Variants in GRM5 observed in about 807,000 individuals in gnomAD.
GRM5 encodes metabotropic glutamate receptor 5.
A neutral mutation model predicts 83.1 loss-of-function variants in GRM5; 19 were observed. The observed-to-expected ratio is 0.23, with a 90% CI of 0.16 to 0.34. The LOEUF (loss-of-function observed/expected upper bound fraction) is 0.34. GRM5 is among the 10% of genes least tolerant of loss of function. The pLI, the probability that GRM5 is intolerant of heterozygous loss-of-function variation, is 1.00. For synonymous variants in GRM5, 675 were observed against 633.6 expected (o/e 1.07, Z -0.98); for missense variants, 1,160 against 1,588.3 (o/e 0.73, Z 4.58).
intron 3 of GRM5, among the ~76,000 whole-genome samples, chr11:88,671,988 G>A (rs1186477250): frequency 6.6e-6 from 1 of 152,002 alleles, no homozygotes; most frequent in Non-Finnish European, 1.5e-5. Context: ...TTTCTGATTA[G>A]TCAAGAAATT....
intron 2 of GRM5, among the ~76,000 whole-genome samples, chr11:89,030,185 A>G: frequency 6.6e-6 from 1 of 152,156 alleles, no homozygotes; most frequent in Non-Finnish European, 1.5e-5. Context: ...TTCCTAAATG[A>G]TAAAACTTGG....
intron 3 of GRM5, among the ~76,000 whole-genome samples, chr11:88,665,139 TAGA>T (rs1940006195): frequency 8.0e-6 from 1 of 125,034 alleles, no homozygotes; most frequent in Admixed American, 8.3e-5. Context: ...AAAATGTAGA[TAGA>T]AGAGATAATT....
Position 88,772,123 on chromosome 11 carries a change from G to A in GRM5, c.911+77783C>T, listed in dbSNP as rs1220488363. ...GACATTTTGTTTTGTTTTACTTACTGTATCTTGAAACTCTTAACATTTTAT... is the reference window on the plus strand; with the variant it reads ...GACATTTTGTTTTGTTTTACTTACTATATCTTGAAACTCTTAACATTTTAT... On this transcript the variant is annotated intron_variant, in intron 3 of 9. Transcript: ENST00000305447. 2.6e-5 allele frequency among the ~76,000 whole-genome samples: 4 copies of A among 151,442 alleles called. No individual in the cohort carries two copies. In the East Asian group the frequency reaches 7.7e-4, roughly 29 times the overall value.
In GRM5 at chr11:88,622,168, G is replaced by A. The variant is rs1244329602; in HGVS notation, c.1148-17204C>T. Among the ~76,000 whole-genome samples the A allele has an allele frequency of 2.0e-5, 3 of 152,124 alleles. No individual in the cohort carries two copies. The East Asian group carries it at 5.8e-4, about 29-fold the overall frequency. On this transcript the variant is annotated intron_variant, in intron 4 of 9. Coordinates refer to ENST00000305447, the MANE Select transcript of GRM5 (RefSeq NM_001143831.3). ...TATTTCAAAGGTAGCCATTAAAGAA[G>A]AGATAGGAGAGGAAAGTAGCACCAC...
intron 2 of GRM5, among the ~76,000 whole-genome samples, chr11:88,878,543 T>C (rs944159298): frequency 6.6e-6 from 1 of 152,142 alleles, no homozygotes; most frequent in African/African-American, 2.4e-5. Context: ...GGACATATAC[T>C]AGGCTGGCAA....
chr11:88,853,530 T>C (rs981729255), intron 2 of GRM5, among the ~76,000 whole-genome samples: 4 of 151,882 alleles, frequency 2.6e-5, no homozygotes, highest in African/African-American at 9.7e-5. Context: ...AATAAGAAGA[T>C]GTACAAGGTA....
chr11:88,812,840 G>A (rs1267699523), intron 3 of GRM5, among the ~76,000 whole-genome samples: 1 of 151,984 alleles, frequency 6.6e-6, no homozygotes, highest in Non-Finnish European at 1.5e-5. Flanking sequence ...TGCATGTAGG[G>A]AAATAGAAAC....
intron 9 of GRM5, 82 bp from the exon 10 acceptor site, chr11:88,509,586 A>T: frequency 1.0e-6 from 1 of 981,764 alleles, no homozygotes; most frequent in Non-Finnish European, 1.6e-6. Context: ...GTGGTTGCTC[A>T]TGGGCCCCGG....
chr11:88,995,396 T>C (rs766947510), intron 2 of GRM5, among the ~76,000 whole-genome samples: 1 of 151,526 alleles, frequency 6.6e-6, no homozygotes, highest in African/African-American at 2.4e-5. Flanking sequence ...ATACAAAAAA[T>C]TAGCCGGGCG....
chr11:88,543,130 G>A (rs1189227748), intron 8 of GRM5, among the ~76,000 whole-genome samples: 1 of 152,128 alleles, frequency 6.6e-6, no homozygotes, highest in Non-Finnish European at 1.5e-5. Context: ...GAACTAAAAT[G>A]GAAAATGCCG....
intron 8 of GRM5, among the ~76,000 whole-genome samples, chr11:88,546,223 T>C (rs896733108): frequency 1.3e-5 from 2 of 152,100 alleles, no homozygotes; most frequent in African/African-American, 4.8e-5. Context: ...TTCACTGTAA[T>C]ACCTCATCTT....
At chr11:88,733,235 T>A (rs1366820134) in intron 3 of GRM5, among the ~76,000 whole-genome samples, 1 of 152,028 alleles carries the variant, frequency 6.6e-6, no homozygotes, top group East Asian at 1.9e-4. Context: ...ATCCCCAGCA[T>A]CTAAGATAAT....
intron 3 of GRM5, among the ~76,000 whole-genome samples, chr11:88,740,722 C>T (rs1388685967): frequency 6.6e-6 from 1 of 152,044 alleles, no homozygotes; most frequent in Non-Finnish European, 1.5e-5. Context: ...GTTTTTCTCT[C>T]TCTCATCATT....
chr11:88,702,686 G>T (rs1017848525), intron 3 of GRM5, among the ~76,000 whole-genome samples: 1 of 152,092 alleles, frequency 6.6e-6, no homozygotes, highest in Non-Finnish European at 1.5e-5. Context: ...CAGGACCTTA[G>T]AATGTAATCA....
chr11:88,798,821 A>AC (rs1565236113), intron 3 of GRM5, among the ~76,000 whole-genome samples: 19 of 73,190 alleles, frequency 2.6e-4, no homozygotes, highest in African/African-American at 9.0e-4. Context: ...AAAAAAAAAA[A>AC]AAAAAACAAC....
chr11:88,832,355 A>C (rs2135521030), intron 3 of GRM5, among the ~76,000 whole-genome samples: 1 of 152,350 alleles, frequency 6.6e-6, no homozygotes, highest in African/African-American at 2.4e-5. Context: ...AAAATAAAGA[A>C]GGCAATCCCA....
chr11:88,614,172 G>A (rs1435161840), intron 4 of GRM5, among the ~76,000 whole-genome samples: 1 of 152,060 alleles, frequency 6.6e-6, no homozygotes, highest in African/African-American at 2.4e-5. Flanking sequence ...CTTTTGAACA[G>A]GGTATGGAGA....
intron 3 of GRM5, among the ~76,000 whole-genome samples, chr11:88,800,706 G>A (rs2135485864): frequency 6.6e-6 from 1 of 152,180 alleles, no homozygotes; most frequent in South Asian, 2.1e-4. Flanking sequence ...GGTGACACCT[G>A]GATTTAAGTC....
intron 2 of GRM5, among the ~76,000 whole-genome samples, chr11:88,922,001 A>C (rs1191698254): frequency 6.6e-6 from 1 of 152,122 alleles, no homozygotes; most frequent in Non-Finnish European, 1.5e-5. Flanking sequence ...ATTAGCTACA[A>C]ATAAAATAAA....
Sources: gnomAD v4.1 joint callset for allele counts (sites outside exome capture counted in the v4.1 genomes callset) on GRCh38, gnomAD v4.1.1 for gene constraint, MANE v1.5 for transcripts, NCBI Gene and HGNC (gene_info 2026-07-23, HGNC 2026-07-21) for gene names.